Variants in UNC13C observed in about 807,000 individuals in gnomAD.
UNC13C encodes protein unc-13 homolog C.
In UNC13C, 174 loss-of-function variants were observed where a neutral mutation model predicts 245.4. The ratio of observed to expected loss-of-function variants is 0.71; its 90% confidence interval spans 0.63 to 0.80. The LOEUF is 0.80. Among genes scored for constraint, UNC13C ranks in the 30% least tolerant of loss-of-function variants. The pLI is 0.00. For synonymous variants in UNC13C, 992 were observed against 895.1 expected, an observed-to-expected ratio of 1.11 and a Z score of -1.93; for missense variants, 2,829 against 2,602.9, an observed-to-expected ratio of 1.09 and a Z score of -1.89.
At chr15:53,962,240 C>T in the UNC13C span, among the ~76,000 whole-genome samples, 7,103 of 152,110 alleles carry the variant, frequency 0.047, 267 homozygotes, top group African/African-American at 0.1. Flanking sequence ...TACAGAATAT[C>T]ATTTTTCATG....
At chr15:54,588,029 GT>G (rs1898582670) in intron 30 of UNC13C, among the ~76,000 whole-genome samples, 1 of 152,148 alleles carries the variant, frequency 6.6e-6, no homozygotes, top group Admixed American at 6.5e-5. Context: ...GTTTTGTATG[GT>G]GTTCTGTATT....
chr15:54,150,432 T>G (rs867518750), intron 4 of UNC13C, among the ~76,000 whole-genome samples: 1 of 152,218 alleles, frequency 6.6e-6, no homozygotes, highest in Non-Finnish European at 1.5e-5. Flanking sequence ...GCACACTGTC[T>G]GCAGTCCTCA....
intron 11 of UNC13C, among the ~76,000 whole-genome samples, chr15:54,297,273 A>G (rs977156854): frequency 2.6e-5 from 4 of 152,176 alleles, no homozygotes; most frequent in East Asian, 3.8e-4. Context: ...TTTATTTGGA[A>G]TATCTGTAAG....
At chr15:54,076,752 T>C (rs889793050) in intron 2 of UNC13C, among the ~76,000 whole-genome samples, 2 of 152,130 alleles carry the variant, frequency 1.3e-5, no homozygotes, top group Non-Finnish European at 2.9e-5. Flanking sequence ...TTCATTTCCA[T>C]GTTCGGTTTT....
At chr15:53,922,386 C>T in the UNC13C span, among the ~76,000 whole-genome samples, 1 of 152,164 alleles carries the variant, frequency 6.6e-6, no homozygotes, top group Non-Finnish European at 1.5e-5. Flanking sequence ...GAGAGACTTA[C>T]AAATGAATGG....
the UNC13C span, among the ~76,000 whole-genome samples, chr15:53,902,992 A>G: frequency 6.6e-6 from 1 of 152,222 alleles, no homozygotes; most frequent in Non-Finnish European, 1.5e-5. Context: ...TTCTGATGAA[A>G]GCAACTTTGG....
the UNC13C span, among the ~76,000 whole-genome samples, chr15:53,883,862 A>T: frequency 6.6e-6 from 1 of 152,184 alleles, no homozygotes; most frequent in South Asian, 2.1e-4. Flanking sequence ...CTATTTCCTC[A>T]AAGCATTCTA....
intron 8 of UNC13C, 118 bp from the exon 9 acceptor site, chr15:54,264,050 G>A: frequency 1.0e-6 from 1 of 977,770 alleles, no homozygotes; most frequent in South Asian, 1.6e-5. Flanking sequence ...AAAGCCACCT[G>A]ACTCCACAGA....
intron 4 of UNC13C, among the ~76,000 whole-genome samples, chr15:54,153,908 C>T (rs1258498044): frequency 2.0e-5 from 3 of 151,786 alleles, no homozygotes; most frequent in African/African-American, 7.3e-5. Context: ...ACATAGATTT[C>T]TAAAAATTGG....
At chr15:54,278,472 A>T (rs2036892581) in intron 10 of UNC13C, among the ~76,000 whole-genome samples, 1 of 152,100 alleles carries the variant, frequency 6.6e-6, no homozygotes, top group Admixed American at 6.6e-5. Flanking sequence ...TGTCTAAATG[A>T]TCCTCTCTAG....
the UNC13C span, among the ~76,000 whole-genome samples, chr15:53,964,529 T>A: frequency 0.6 from 90,942 of 152,024 alleles, 27,905 homozygotes; most frequent in African/African-American, 0.73. Flanking sequence ...AATATACCTC[T>A]ATAAGGTGAA....
At chr15:54,032,358 G>A (rs1032011860) in intron 2 of UNC13C, among the ~76,000 whole-genome samples, 4 of 152,176 alleles carry the variant, frequency 2.6e-5, no homozygotes, top group Non-Finnish European at 5.9e-5. Context: ...AAACATGAGA[G>A]ATGCTTGGAC....
chr15:54,066,046 G>A (rs1391379186), intron 2 of UNC13C, among the ~76,000 whole-genome samples: 2 of 152,186 alleles, frequency 1.3e-5, no homozygotes, highest in Non-Finnish European at 2.9e-5. Context: ...CTTTAATTAT[G>A]ACTTTGATAT....
At position 54,354,979 on chromosome 15, in the gene UNC13C, G is replaced by A. The variant is rs147223138; in HGVS notation, c.4713+16490G>A. On this transcript the variant is annotated intron_variant, in intron 17 of 32. Transcript: ENST00000260323. The stretch of plus-strand genomic sequence containing the variant: ...TTTATGAATTATTGTGTTAGTGGGC[G>A]ATCATAGGAGTAGAGTTGATGGCTT... 3.9e-3 allele frequency among the ~76,000 whole-genome samples: 586 copies of A among 152,080 alleles called. 4 individuals carry two copies. Among genetic ancestry groups the A allele is most frequent in the African/African-American group, 0.013 (528 of 41,506 alleles).
At chr15:54,152,197 C>G (rs1017499874) in intron 4 of UNC13C, among the ~76,000 whole-genome samples, 11 of 152,068 alleles carry the variant, frequency 7.2e-5, no homozygotes, top group African/African-American at 2.7e-4. Flanking sequence ...TTTTCTCACT[C>G]CAGGGTCTAA....
chr15:54,118,434 A>AT (rs1429238061), intron 2 of UNC13C, among the ~76,000 whole-genome samples: 1 of 151,654 alleles, frequency 6.6e-6, no homozygotes, highest in Non-Finnish European at 1.5e-5. Context: ...TGCTTTCTTG[A>AT]TTTTTTATTC....
intron 2 of UNC13C, among the ~76,000 whole-genome samples, chr15:54,085,207 A>G (rs1294703046): frequency 2.0e-5 from 3 of 152,334 alleles, no homozygotes; most frequent in African/African-American, 7.2e-5. Context: ...TATAGGGCTA[A>G]GATCCTAGAG....
intron 2 of UNC13C, among the ~76,000 whole-genome samples, chr15:54,088,690 G>A (rs1359259310): frequency 6.6e-6 from 1 of 152,172 alleles, no homozygotes; most frequent in African/African-American, 2.4e-5. Flanking sequence ...TGCAGGTGAA[G>A]AAGAACATGA....
intron 7 of UNC13C, among the ~76,000 whole-genome samples, chr15:54,246,131 T>C (rs542365716): frequency 1.3e-5 from 2 of 152,318 alleles, no homozygotes; most frequent in East Asian, 1.9e-4. Flanking sequence ...TAGTAATCAA[T>C]AGAAAAGGCA....
Sources: allele counts gnomAD v4.1 joint callset (sites outside exome capture counted in the v4.1 genomes callset), GRCh38; gene constraint gnomAD v4.1.1; transcripts MANE v1.5; gene names NCBI Gene and HGNC (gene_info 2026-07-23, HGNC 2026-07-21).